Variants in MND1 observed in about 807,000 individuals in gnomAD.
The protein encoded by MND1 is meiotic nuclear divisions 1, also known as meiotic nuclear division protein 1 homolog.
MND1 carries 28 observed loss-of-function variants against 35.1 expected under a neutral mutation model. The observed-to-expected ratio is 0.80, with a 90% confidence interval of 0.59 to 1.09. The LOEUF (loss-of-function observed/expected upper bound fraction) is 1.09. Among genes scored for constraint, MND1 ranks in the 50% least tolerant of loss-of-function variants. The pLI, the probability that MND1 is intolerant of heterozygous loss-of-function variation, is 0.00. For synonymous variants in MND1, 69 were observed against 70.5 expected, an observed-to-expected ratio of 0.98 and a Z score of 0.11; for missense variants, 213 against 239.6, an observed-to-expected ratio of 0.89 and a Z score of 0.73.
chr4:153,382,265 A>C (rs893869660), intron 4 of MND1, among the ~76,000 whole-genome samples: 1 of 152,170 alleles, frequency 6.6e-6, no homozygotes, highest in South Asian at 2.1e-4. Context: ...CTCAGTTTTA[A>C]ATTATATTAA....
chr4:153,348,948 T>G (rs1300942685), intron 1 of MND1, among the ~76,000 whole-genome samples: 2 of 152,266 alleles, frequency 1.3e-5, no homozygotes, highest in African/African-American at 2.4e-5. Context: ...TGGGGCAGTC[T>G]TTAACTGTTG....
chr4:153,378,154 C>G (rs574574896), intron 4 of MND1, among the ~76,000 whole-genome samples: 85 of 152,278 alleles, frequency 5.6e-4, no homozygotes, highest in African/African-American at 2.0e-3. Flanking sequence ...TCTGTCCCAG[C>G]TATTGTGTAC....
chr4:153,411,028 A>C (rs1240498164), intron 7 of MND1, among the ~76,000 whole-genome samples: 1 of 152,190 alleles, frequency 6.6e-6, no homozygotes, highest in African/African-American at 2.4e-5. Context: ...GCTAGAATTG[A>C]GAATATATAC....
chr4:153,406,974 G>T (rs568100365), intron 6 of MND1, among the ~76,000 whole-genome samples: 2 of 152,172 alleles, frequency 1.3e-5, no homozygotes, highest in Admixed American at 6.5e-5. Flanking sequence ...CATTTTTAAA[G>T]CCATCAGATC....
At chr4:153,407,677 T>A (rs1294033375) in intron 6 of MND1, among the ~76,000 whole-genome samples, 2 of 152,072 alleles carry the variant, frequency 1.3e-5, no homozygotes, top group Admixed American at 1.3e-4. Context: ...GATAAGCAAA[T>A]TGTAAAATAG....
At chr4:153,354,185 A>G (rs1013865926) in intron 2 of MND1, among the ~76,000 whole-genome samples, 1 of 152,106 alleles carries the variant, frequency 6.6e-6, no homozygotes, top group African/African-American at 2.4e-5. Flanking sequence ...TTCTACACGC[A>G]TATTTTCCCT....
chr4:153,375,991 A>AG (rs1322685514), intron 4 of MND1, among the ~76,000 whole-genome samples: 1 of 152,150 alleles, frequency 6.6e-6, no homozygotes, highest in Non-Finnish European at 1.5e-5. Flanking sequence ...AAGTGATGAA[A>AG]GTGGTAGTGC....
intron 4 of MND1, among the ~76,000 whole-genome samples, chr4:153,365,791 A>G (rs1364939874): frequency 2.6e-5 from 4 of 152,174 alleles, no homozygotes; most frequent in Admixed American, 2.6e-4. Flanking sequence ...AAACCAAAGC[A>G]GTGGCAGTGG....
In MND1 at chr4:153,394,351, A is replaced by ATAG. The variant is rs1052405244; in HGVS notation, c.351+16_351+18dup. On this transcript the variant is annotated intron_variant, in intron 5 of 7. Transcript: ENST00000240488. ...GATGTGAAACGGTAAGTTTGTGTCT[A>ATAG]TAGATTATTTTAATAATGGCAATTC... The ATAG allele has an allele frequency of 1.3e-6, 2 of 1,598,250 alleles. No homozygotes were observed. The highest frequency in any genetic ancestry group is 1.7e-6 in the Non-Finnish European group (2 of 1,170,032).
intron 6 of MND1, among the ~76,000 whole-genome samples, chr4:153,403,133 T>TA (rs796260900): frequency 8.0e-4 from 117 of 146,378 alleles, no homozygotes; most frequent in South Asian, 4.1e-3. Context: ...GAGAACCTTC[T>TA]AAAAAAAAAA....
At chr4:153,357,416 A>G (rs990153755) in intron 3 of MND1, among the ~76,000 whole-genome samples, 3 of 152,224 alleles carry the variant, frequency 2.0e-5, no homozygotes, top group Non-Finnish European at 4.4e-5. Context: ...GGAAATCTGC[A>G]TGTAATTTTT....
At chr4:153,365,683 T>C (rs1443854752) in intron 4 of MND1, among the ~76,000 whole-genome samples, 4 of 152,160 alleles carry the variant, frequency 2.6e-5, no homozygotes, top group African/African-American at 9.7e-5. Flanking sequence ...CACTGCAGCC[T>C]TCAACTCCTG....
rs552325008 is a variant in MND1 at position 153,407,347 on chromosome 4, C to G, written c.467-1624C>G. ...GTGTGGTGGCACATGCCTGTAATCC[C>G]AGCAACTCAGGAGGCTGAGGCAGGA... On this transcript the variant is annotated intron_variant, in intron 6 of 7. Coordinates refer to ENST00000240488, the MANE Select transcript of MND1 (RefSeq NM_032117.4). 3.9e-5 allele frequency among the ~76,000 whole-genome samples: 6 copies of G among 152,228 alleles called. No homozygotes were observed. The South Asian group carries it at 1.2e-3, about 32-fold the overall frequency.
chr4:153,356,552 C>CTA (rs1491208754), intron 3 of MND1, among the ~76,000 whole-genome samples: 2 of 60,044 alleles, frequency 3.3e-5, no homozygotes, highest in Admixed American at 2.8e-4. Flanking sequence ...AACTCAGTCT[C>CTA]AAAAAAAAAA....
chr4:153,357,901 A>G (rs1030954135), intron 3 of MND1, among the ~76,000 whole-genome samples: 1 of 152,182 alleles, frequency 6.6e-6, no homozygotes, highest in Non-Finnish European at 1.5e-5. Flanking sequence ...AAAAAGAAAC[A>G]TTATTTAGAA....
At chr4:153,395,605 G>A (rs905525714) in intron 5 of MND1, among the ~76,000 whole-genome samples, 3 of 152,166 alleles carry the variant, frequency 2.0e-5, no homozygotes, top group Admixed American at 1.3e-4. Flanking sequence ...AATAGCTAAC[G>A]TGTATTCTCC....
At chr4:153,408,344 A>G (rs941522879) in intron 6 of MND1, among the ~76,000 whole-genome samples, 36 of 152,346 alleles carry the variant, frequency 2.4e-4, no homozygotes, top group African/African-American at 7.5e-4. Flanking sequence ...CATATAAATT[A>G]TCTTTCAATT....
chr4:153,394,820 A>C (rs1729155277), intron 5 of MND1, among the ~76,000 whole-genome samples: 1 of 152,188 alleles, frequency 6.6e-6, no homozygotes, highest in Admixed American at 6.5e-5. Flanking sequence ...TAATATTTTA[A>C]AATATTAAAA....
At chr4:153,397,124 A>G in intron 5 of MND1, 95 bp from the exon 6 acceptor site, 1 of 787,036 alleles carries the variant, frequency 1.3e-6, no homozygotes, top group South Asian at 2.1e-5. Flanking sequence ...CACATCATTT[A>G]TAAGAAATAA....
Sources: allele counts gnomAD v4.1 joint callset (sites outside exome capture counted in the v4.1 genomes callset), GRCh38; gene constraint gnomAD v4.1.1; transcripts MANE v1.5; gene names NCBI Gene and HGNC (gene_info 2026-07-23, HGNC 2026-07-21).